RAD51B: variants seen among roughly 807,000 people sequenced by gnomAD.
The protein encoded by RAD51B is RAD51 paralog B, also known as DNA repair protein RAD51 homolog 2.
RAD51B carries 38 observed loss-of-function variants against 42.2 expected under a neutral mutation model. The ratio of observed to expected loss-of-function variants is 0.90; its 90% CI spans 0.70 to 1.18. The LOEUF is 1.18. Ranked by LOEUF, RAD51B falls within the 50% of genes most tolerant of loss-of-function variation. RAD51B has a pLI of 0.00. For synonymous variants in RAD51B, 154 were observed against 145.2 expected (o/e 1.06, Z -0.43); for missense variants, 373 against 400.7 (o/e 0.93, Z 0.59).
At chr14:68,272,584 G>T (rs8015139) in intron 7 of RAD51B, among the ~76,000 whole-genome samples, 56,752 of 123,894 alleles carry the variant, frequency 0.46, 15,761 homozygotes, top group African/African-American at 0.81. Context: ...TATGTTTTCT[G>T]TATAAAAAAT....
At chr14:68,227,898 CAG>C (rs2080072480) in intron 7 of RAD51B, among the ~76,000 whole-genome samples, 1 of 152,086 alleles carries the variant, frequency 6.6e-6, no homozygotes, top group Non-Finnish European at 1.5e-5. Context: ...AACCATTTAA[CAG>C]AGCATATTAT....
At chr14:67,893,092 G>C (rs551624684) in intron 7 of RAD51B, among the ~76,000 whole-genome samples, 18 of 152,172 alleles carry the variant, frequency 1.2e-4, no homozygotes, top group Non-Finnish European at 2.5e-4. Flanking sequence ...ACATGCAGGG[G>C]TGCTAATAGA....
intron 7 of RAD51B, among the ~76,000 whole-genome samples, chr14:68,221,980 CACG>C (rs2079938458): frequency 6.6e-6 from 1 of 152,054 alleles, no homozygotes; most frequent in African/African-American, 2.4e-5. Context: ...AAATCAAAAC[CACG>C]ACGTGATACC....
intron 7 of RAD51B, among the ~76,000 whole-genome samples, chr14:68,226,576 TC>T (rs2140974052): frequency 6.6e-6 from 1 of 152,326 alleles, no homozygotes; most frequent in Non-Finnish European, 1.5e-5. Context: ...CTACATAAGC[TC>T]TCTTGCCTGG....
At chr14:68,596,036 T>C, downstream of RAD51B, 1 of 1,051,816 alleles carries the variant, frequency 9.5e-7, no homozygotes, top group Non-Finnish European at 1.2e-6. Context: ...AAAAAGATTA[T>C]CTGAGAGACC....
chr14:68,149,205 T>C (rs568225997), intron 7 of RAD51B, among the ~76,000 whole-genome samples: 1 of 152,366 alleles, frequency 6.6e-6, no homozygotes, highest in East Asian at 1.9e-4. Context: ...GCTTTTAATT[T>C]TAATGAAGCC....
chr14:68,035,782 C>G (rs181205483), intron 7 of RAD51B, among the ~76,000 whole-genome samples: 1 of 152,256 alleles, frequency 6.6e-6, no homozygotes, highest in Admixed American at 6.5e-5. Context: ...TTTCTAATTC[C>G]TCATTTTTTT....
intron 7 of RAD51B, among the ~76,000 whole-genome samples, chr14:67,997,216 A>G (rs1475765083): frequency 6.6e-6 from 1 of 152,200 alleles, no homozygotes; most frequent in Admixed American, 6.5e-5. Flanking sequence ...AAAAAACTAG[A>G]TACAATCCCC....
chr14:68,525,438 C>A (rs765492328), intron 10 of RAD51B, among the ~76,000 whole-genome samples: 8 of 152,238 alleles, frequency 5.3e-5, no homozygotes, highest in Non-Finnish European at 1.2e-4. Flanking sequence ...GGGTTTTCAA[C>A]CCTCAGGTCA....
intron 11 of RAD51B, among the ~76,000 whole-genome samples, chr14:68,676,600 C>G (rs542108563): frequency 6.6e-6 from 1 of 152,332 alleles, no homozygotes; most frequent in East Asian, 1.9e-4. Context: ...TGCATCTGCA[C>G]TGCACACTAG....
intron 7 of RAD51B, among the ~76,000 whole-genome samples, chr14:68,281,427 A>G (rs2081317582): frequency 6.6e-6 from 1 of 152,240 alleles, no homozygotes; most frequent in African/African-American, 2.4e-5. Context: ...TGCCAATTAT[A>G]CAGTTGAAGA....
chr14:67,930,410 T>G (rs1171200553), intron 7 of RAD51B, among the ~76,000 whole-genome samples: 1 of 152,190 alleles, frequency 6.6e-6, no homozygotes, highest in Admixed American at 6.5e-5. Flanking sequence ...TCATCTGCTT[T>G]TGCTTGCTTA....
At chr14:68,245,124 C>T (rs942898956) in intron 7 of RAD51B, among the ~76,000 whole-genome samples, 1 of 152,198 alleles carries the variant, frequency 6.6e-6, no homozygotes, top group African/African-American at 2.4e-5. Flanking sequence ...ACCCTGTCCT[C>T]GTCCTAGGAG....
At chr14:68,422,166 C>G in intron 9 of RAD51B, 3 of 1,281,436 alleles carry the variant, frequency 2.3e-6, no homozygotes, top group Non-Finnish European at 3.4e-6. Context: ...CTGTCGACGG[C>G]AAATTCAAAG....
chr14:67,823,428 A>G, intron 1 of RAD51B, 114 bp from the exon 2 acceptor site: 2 of 711,346 alleles, frequency 2.8e-6, no homozygotes, highest in South Asian at 2.1e-5. Context: ...TTCATTTTGC[A>G]TATGGAGAAA....
downstream of RAD51B, among the ~76,000 whole-genome samples, chr14:68,616,466 C>G (rs1277689976): frequency 1.3e-5 from 2 of 152,168 alleles, no homozygotes; most frequent in Non-Finnish European, 2.9e-5. Flanking sequence ...CCTATACTCT[C>G]TATGACACTA....
chr14:68,210,208 C>T (rs1177947695), intron 7 of RAD51B, among the ~76,000 whole-genome samples: 1 of 152,128 alleles, frequency 6.6e-6, no homozygotes, highest in Non-Finnish European at 1.5e-5. Context: ...AATCACCTGC[C>T]TCAGCCTCCC....
chr14:68,121,285 A>G (rs1022656302), intron 7 of RAD51B, among the ~76,000 whole-genome samples: 7 of 152,230 alleles, frequency 4.6e-5, no homozygotes, highest in African/African-American at 1.7e-4. Context: ...GCAAAAGTGA[A>G]GAACCTGAAA....
intron 4 of RAD51B, among the ~76,000 whole-genome samples, chr14:67,840,360 AC>A (rs1299025508): frequency 6.6e-6 from 1 of 152,106 alleles, no homozygotes; most frequent in African/African-American, 2.4e-5. Flanking sequence ...TTTAGCTCCC[AC>A]TTATAAGTGA....
Sources: gnomAD v4.1 joint callset for allele counts (sites outside exome capture counted in the v4.1 genomes callset) on GRCh38, gnomAD v4.1.1 for gene constraint, MANE v1.5 for transcripts, NCBI Gene and HGNC (gene_info 2026-07-23, HGNC 2026-07-21) for gene names.